Variants in TEAD1 observed in about 807,000 individuals in gnomAD.
TEAD1 encodes transcriptional enhancer factor TEF-1.
In TEAD1, 9 loss-of-function variants were observed where a neutral mutation model predicts 54.9. The ratio of observed to expected loss-of-function variants is 0.16; its 90% CI spans 0.10 to 0.29. The LOEUF is 0.29. Among genes scored for constraint, TEAD1 ranks in the 10% least tolerant of loss-of-function variants. TEAD1 has a pLI of 1.00. For synonymous variants in TEAD1, 200 were observed against 187.8 expected, an observed-to-expected ratio of 1.07 and a Z score of -0.53; for missense variants, 387 against 535.9, an observed-to-expected ratio of 0.72 and a Z score of 2.74.
chr11:12,869,325 A>C (rs1364360304), intron 5 of TEAD1, among the ~76,000 whole-genome samples: 2 of 152,114 alleles, frequency 1.3e-5, no homozygotes, highest in African/African-American at 4.8e-5. Flanking sequence ...GGGCCAACCC[A>C]CACCCCCTGG....
intron 10 of TEAD1, among the ~76,000 whole-genome samples, chr11:12,903,365 AC>A (rs1306573812): frequency 1.3e-5 from 2 of 152,250 alleles, no homozygotes; most frequent in Non-Finnish European, 2.9e-5. Flanking sequence ...ACCTTACACA[AC>A]AAAGCCCAAC....
chr11:12,782,548 G>T (rs1476982989), intron 3 of TEAD1, among the ~76,000 whole-genome samples: 1 of 152,164 alleles, frequency 6.6e-6, no homozygotes, highest in African/African-American at 2.4e-5. Flanking sequence ...TCTAAAACTA[G>T]TTACGGTAAT....
chr11:12,782,828 T>G (rs1326278868), intron 3 of TEAD1, among the ~76,000 whole-genome samples: 1 of 151,894 alleles, frequency 6.6e-6, no homozygotes, highest in Non-Finnish European at 1.5e-5. Context: ...AGATACCAGG[T>G]GAGGGAGAAG....
At chr11:12,880,453 CCCAGG>C in intron 6 of TEAD1, among the ~76,000 whole-genome samples, 1 of 152,204 alleles carries the variant, frequency 6.6e-6, no homozygotes, top group Non-Finnish European at 1.5e-5. Flanking sequence ...AAGAATCAGC[CCCAGG>C]GTTGCTTGAC....
intron 2 of TEAD1, among the ~76,000 whole-genome samples, chr11:12,690,176 A>C (rs1332833979): frequency 2.0e-5 from 3 of 146,342 alleles, no homozygotes; most frequent in African/African-American, 7.6e-5. Context: ...CAGGAGGCGG[A>C]GCTTGTAGTG....
rs541831753 is a variant in TEAD1, at chr11:12,687,051, A to G, written c.-55+11490A>G. Among the ~76,000 whole-genome samples, 11 of 152,292 alleles carry G rather than the reference A, an allele frequency of 7.2e-5. No homozygotes were observed. In the South Asian group the frequency reaches 2.3e-3, roughly 32 times the overall value. ...CCAAGTGCTGGGTCTTGGTCTCTCC[A>G]CTTCTAGCTCGTGTGGAAGGAAGTC... On this transcript the variant is annotated intron_variant, in intron 2 of 12. Coordinates refer to ENST00000527636, the MANE Select transcript of TEAD1 (RefSeq NM_021961.6).
chr11:12,840,391 A>G (rs116642622), intron 3 of TEAD1, among the ~76,000 whole-genome samples: 1,634 of 152,120 alleles, frequency 0.011, 33 homozygotes, highest in African/African-American at 0.038. Flanking sequence ...AGCCATGAGA[A>G]GCTTGTGAGA....
At chr11:12,841,041 A>G (rs1947028887) in intron 3 of TEAD1, among the ~76,000 whole-genome samples, 1 of 152,228 alleles carries the variant, frequency 6.6e-6, no homozygotes, top group Non-Finnish European at 1.5e-5. Flanking sequence ...TAACATGAAA[A>G]TACGCTAAGG....
intron 2 of TEAD1, among the ~76,000 whole-genome samples, chr11:12,761,968 T>A (rs1156356778): frequency 1.3e-5 from 2 of 152,088 alleles, no homozygotes; most frequent in African/African-American, 2.4e-5. Flanking sequence ...TGTGTTTTGG[T>A]CTGGAGACTC....
chr11:12,816,163 G>A (rs1590179022), intron 3 of TEAD1, among the ~76,000 whole-genome samples: 2 of 152,154 alleles, frequency 1.3e-5, no homozygotes, highest in African/African-American at 4.8e-5. Context: ...GCCTGCACTC[G>A]GGTGGCTTTT....
intron 3 of TEAD1, among the ~76,000 whole-genome samples, chr11:12,770,617 C>G (rs1469615661): frequency 1.5e-4 from 23 of 152,042 alleles, no homozygotes; most frequent in Admixed American, 1.5e-3. Flanking sequence ...GTAATTATGC[C>G]CATTTTGCTG....
chr11:12,792,077 T>C (rs554978127), intron 3 of TEAD1, among the ~76,000 whole-genome samples: 22 of 152,222 alleles, frequency 1.4e-4, no homozygotes, highest in Non-Finnish European at 2.8e-4. Context: ...GTGATGGACA[T>C]TGGGCATGTG....
chr11:12,887,370 C>G (rs536809460), intron 9 of TEAD1, among the ~76,000 whole-genome samples: 12 of 152,244 alleles, frequency 7.9e-5, no homozygotes, highest in African/African-American at 2.9e-4. Flanking sequence ...GCTGGGATTA[C>G]AGGCGTGAAC....
chr11:12,905,658 C>G (rs766677584), intron 10 of TEAD1, among the ~76,000 whole-genome samples: 1 of 152,188 alleles, frequency 6.6e-6, no homozygotes, highest in Non-Finnish European at 1.5e-5. Flanking sequence ...GTTTAACACT[C>G]CCTTCGAAAT....
rs746931986 is a variant in TEAD1, at chr11:12,879,746, G to A, written c.369G>A (p.Ala123=). 15 of 1,614,200 alleles carry A rather than the reference G, an allele frequency of 9.3e-6. No individual in the cohort carries two copies. Among genetic ancestry groups the A allele is most frequent in the Non-Finnish European group, 1.3e-5 (15 of 1,180,042 alleles). ...AGGATAAGGCCCTGCAGCACATGGC[G>A]GCCATGTCCTCAGCCCAGATCGTCT... Residue 123 remains alanine (A), a synonymous_variant, in exon 6 of 13, where the codon GCG becomes GCA. Transcript: ENST00000527636.
chr11:12,770,409 C>T (rs909675923), intron 3 of TEAD1, among the ~76,000 whole-genome samples: 1 of 152,138 alleles, frequency 6.6e-6, no homozygotes, highest in Non-Finnish European at 1.5e-5. Context: ...TGGATGAGCC[C>T]TGGGATTCAG....
rs148213674 is a variant in TEAD1, at chr11:12,918,666, C to A, written c.874-6246C>A. On this transcript the variant is annotated intron_variant, in intron 10 of 12. Transcript: ENST00000527636. ...CTAGGAACGTCCAACAGAAACACAT[C>A]CATATGTCCCTCAAAAGCATATTCA... Among the ~76,000 whole-genome samples, 196 of 152,270 alleles carry A rather than the reference C, an allele frequency of 1.3e-3. No individual in the cohort carries two copies. The Middle Eastern group carries it at 0.014, about 11-fold the overall frequency.
At chr11:12,745,402 G>A (rs1486529649) in intron 2 of TEAD1, among the ~76,000 whole-genome samples, 1 of 151,890 alleles carries the variant, frequency 6.6e-6, no homozygotes, top group Non-Finnish European at 1.5e-5. Context: ...CTACTTATTC[G>A]GTATTATTTT....
chr11:12,795,746 C>T (rs1048422345), intron 3 of TEAD1, among the ~76,000 whole-genome samples: 4 of 152,100 alleles, frequency 2.6e-5, no homozygotes, highest in African/African-American at 9.7e-5. Flanking sequence ...AACAAGATCC[C>T]CAGGTGATTT....
Sources: gnomAD v4.1 joint callset for allele counts (sites outside exome capture counted in the v4.1 genomes callset) on GRCh38, gnomAD v4.1.1 for gene constraint, MANE v1.5 for transcripts, NCBI Gene and HGNC (gene_info 2026-07-23, HGNC 2026-07-21) for gene names.